SNRNP35: variants seen among roughly 807,000 people sequenced by gnomAD.
The protein encoded by SNRNP35 is U11/U12 small nuclear ribonucleoprotein 35 kDa protein.
Under a neutral mutation model 24.3 loss-of-function variants are expected in SNRNP35, and 16 were observed. That is an observed-to-expected ratio of 0.66 (90% CI 0.45 to 1.00). The LOEUF (loss-of-function observed/expected upper bound fraction) is 1.00, where lower values mean the gene tolerates loss of function less well. Among genes scored for constraint, SNRNP35 ranks in the 50% least tolerant of loss-of-function variants. The pLI is 0.00. For missense variants in SNRNP35, 292 were observed against 327.2 expected (o/e 0.89, Z 0.83); for synonymous variants, 106 against 124.8 (o/e 0.85, Z 1.00).
chr12:123,461,140 G>GAGTC (rs1466260935), intron 1 of SNRNP35, among the ~76,000 whole-genome samples: 1 of 148,782 alleles, frequency 6.7e-6, no homozygotes, highest in Non-Finnish European at 1.5e-5. Flanking sequence ...TTTTGAGACG[G>GAGTC]AGTCTCGCTC....
Position 123,466,527 on chromosome 12 carries a change from A to G in SNRNP35, c.*246A>G. 2.6e-6 allele frequency: 1 copy of G among 381,340 alleles called. No individual in the cohort carries two copies. Among genetic ancestry groups the G allele is most frequent in the Admixed American group, 4.3e-5 (1 of 23,220 alleles). The allele number at this position is 381,340 out of a possible 1,614,324, so 23.6% of individuals were successfully genotyped here. ...CAATTTTGTAGTTACTGGCATCTGTACAGAAGGGCATTTTCTTTTCTTTTC... is the reference window on the plus strand; with the variant it reads ...CAATTTTGTAGTTACTGGCATCTGTGCAGAAGGGCATTTTCTTTTCTTTTC... On this transcript the variant is annotated 3_prime_UTR_variant, in exon 2 of 2. Coordinates refer to ENST00000526639, the MANE Select transcript of SNRNP35 (RefSeq NM_022717.4).
downstream of SNRNP35, among the ~76,000 whole-genome samples, chr12:123,467,701 CATG>C (rs368144096): frequency 4.2e-3 from 635 of 152,306 alleles, 4 homozygotes; most frequent in African/African-American, 0.014. Flanking sequence ...ATGAATCTCT[CATG>C]ATATTATACA....
downstream of SNRNP35, chr12:123,470,634 A>C (rs1881146348): frequency 6.6e-6 from 1 of 152,024 alleles, no homozygotes; most frequent in Non-Finnish European, 1.5e-5. Flanking sequence ...AAATACAAAA[A>C]TTAGTCAGGT....
At position 123,466,362 on chromosome 12, in the gene SNRNP35, A is replaced by G; in HGVS notation, c.*81A>G. On this transcript the variant is annotated 3_prime_UTR_variant, in exon 2 of 2. Coordinates refer to ENST00000526639, the MANE Select transcript of SNRNP35 (RefSeq NM_022717.4). ...TTGTCTTTCAACGCAGCGTGAGTCTAATGGTTGAATAAAACTTACTGATGA... is the reference window on the plus strand; with the variant it reads ...TTGTCTTTCAACGCAGCGTGAGTCTGATGGTTGAATAAAACTTACTGATGA... 1 of 1,372,184 alleles carries G rather than the reference A, an allele frequency of 7.3e-7. No individual in the cohort carries two copies. The highest frequency in any genetic ancestry group is 9.8e-7 in the Non-Finnish European group (1 of 1,022,164). 85.0% of individuals were successfully genotyped at this position (1,372,184 alleles called of 1,614,324 possible).
intron 1 of SNRNP35, among the ~76,000 whole-genome samples, chr12:123,458,592 CT>C (rs555202754): frequency 2.2e-3 from 298 of 133,504 alleles, no homozygotes; most frequent in Middle Eastern, 3.8e-3. Context: ...GGGGCAAAGT[CT>C]TTTTTTTTTT....
chr12:123,459,865 A>C, intron 1 of SNRNP35: 1 of 1,596,480 alleles, frequency 6.3e-7, no homozygotes, highest in Non-Finnish European at 8.5e-7. Context: ...GAGGAAGTGC[A>C]CCTAGAAAGA....
intron 1 of SNRNP35, among the ~76,000 whole-genome samples, chr12:123,460,417 G>A (rs1175214872): frequency 6.6e-6 from 1 of 151,834 alleles, no homozygotes; most frequent in Admixed American, 6.6e-5. Flanking sequence ...ATCTGAAAAG[G>A]CAATAATAAT....
intron 1 of SNRNP35, chr12:123,459,912 T>C (rs1361410433): frequency 5.3e-6 from 8 of 1,516,042 alleles, no homozygotes; most frequent in Non-Finnish European, 7.3e-6. Flanking sequence ...TTAGTATCTA[T>C]AGAAGCATGC....
At position 123,463,930 on chromosome 12, in the gene SNRNP35, A is replaced by ATT. The variant is rs35927970; in HGVS notation, c.-3-1590_-3-1589dup. ...GGCGCCCACCTACCTCGCCTGGCTAATTTTTTTTTTTTTTTTTTTGGAGAC... is the reference window on the plus strand; with the variant it reads ...GGCGCCCACCTACCTCGCCTGGCTAATTTTTTTTTTTTTTTTTTTTTGGAGAC... On this transcript the variant is annotated intron_variant, in intron 1 of 1. Coordinates refer to ENST00000526639, the MANE Select transcript of SNRNP35 (RefSeq NM_022717.4). Among the ~76,000 whole-genome samples the ATT allele has an allele frequency of 1.4e-3, 152 of 110,450 alleles. 1 individual carries two copies. The highest frequency in any genetic ancestry group is 8.3e-3 in the South Asian group (28 of 3,380). 72.5% of individuals were successfully genotyped at this position (110,450 alleles called of 152,430 possible).
At chr12:123,471,102 ACT>A (rs1396898875), downstream of SNRNP35, 5 of 137,370 alleles carry the variant, frequency 3.6e-5, no homozygotes, top group Non-Finnish European at 6.1e-5. Flanking sequence ...ATGAAGTCTC[ACT>A]CTGTCGCCCA....
Position 123,465,979 on chromosome 12 carries a change from A to T in SNRNP35, c.439A>T (p.Lys147Ter), listed in dbSNP as rs759070125. ...PRRLGGGLGGKKESGQLRFGG... is the reference protein window; with the variant it reads ...PRRLGGGLGG ...GCGACTTGGAGGCGGTCTTGGGGGA[A>T]AAAAGGAGTCTGGGCAACTGAGATT... Residue 147 changes from lysine to a stop codon, truncating the protein, a stop_gained, in exon 2 of 2, where the codon AAA (lysine) becomes TAA (stop). Coordinates refer to ENST00000526639, the MANE Select transcript of SNRNP35 (RefSeq NM_022717.4). LOFTEE classifies it high-confidence loss of function. This position sits in a 1 kb window ranked among gnomAD's most constrained non-coding sequence, Gnocchi z 4.2. The T allele has an allele frequency of 6.2e-7, 1 of 1,613,994 alleles. No individual in the cohort carries two copies. Among genetic ancestry groups the T allele is most frequent in the Non-Finnish European group, 8.5e-7 (1 of 1,180,026 alleles).
chr12:123,466,184 A>G lies in SNRNP35; in HGVS notation c.644A>G (p.Glu215Gly). ...CGGGAGAAGAGATGGCAAGAAAGAG[A>G]GCCGACCAGGGTGTGGCCCGACAAT... ...RGREKRWQEREPTRVWPDNDW... is the reference protein window; with the variant it reads ...RGREKRWQERGPTRVWPDNDW... The change falls in exon 2 of 2, where the codon GAG becomes GGG. Residue 215 changes from glutamate (E) to glycine (G), a missense_variant. Physicochemically the swap from Glu to Gly is moderately conservative, Grantham distance 98 (BLOSUM62 -2). Coordinates refer to ENST00000526639, the MANE Select transcript of SNRNP35 (RefSeq NM_022717.4). 6.2e-7 allele frequency: 1 copy of G among 1,602,902 alleles called. No homozygotes were observed. The highest frequency in any genetic ancestry group is 8.5e-7 in the Non-Finnish European group (1 of 1,175,440).
At chr12:123,461,743 A>G (rs541442744) in intron 1 of SNRNP35, among the ~76,000 whole-genome samples, 4 of 144,986 alleles carry the variant, frequency 2.8e-5, no homozygotes, top group African/African-American at 5.1e-5. Flanking sequence ...TTTTTTTGAG[A>G]CAGAGTATTG....
chr12:123,459,863 G>A (rs767980616), intron 1 of SNRNP35: 1 of 1,596,042 alleles, frequency 6.3e-7, no homozygotes, highest in Non-Finnish European at 8.5e-7. Flanking sequence ...GGGAGGAAGT[G>A]CACCTAGAAA....
chr12:123,460,748 C>CA (rs1017938414), intron 1 of SNRNP35, among the ~76,000 whole-genome samples: 9 of 151,424 alleles, frequency 5.9e-5, no homozygotes, highest in African/African-American at 1.9e-4. Context: ...GACCCTGTCT[C>CA]AAAAAAAATT....
intron 1 of SNRNP35, chr12:123,459,866 C>T (rs1276567501): frequency 6.3e-7 from 1 of 1,595,976 alleles, no homozygotes; most frequent in Non-Finnish European, 8.5e-7. Flanking sequence ...AGGAAGTGCA[C>T]CTAGAAAGAT....
At chr12:123,472,982 G>T in exon 2 of SNRNP35, 1 of 279,222 alleles carries the variant, frequency 3.6e-6, no homozygotes, top group Non-Finnish European at 6.9e-6. Context: ...CGTTACCAGT[G>T]GAAATCAAAA....
intron 1 of SNRNP35, chr12:123,459,990 T>C: frequency 2.2e-6 from 2 of 896,076 alleles, no homozygotes; most frequent in Non-Finnish European, 3.6e-6. Flanking sequence ...TTTGAAGAAG[T>C]CTTAAAGTTT....
At position 123,465,919 on chromosome 12, in the gene SNRNP35, G is replaced by A. The variant is rs779460822; in HGVS notation, c.379G>A (p.Glu127Lys). Residue 127 changes from glutamate (E) to lysine (K), a missense_variant, in exon 2 of 2, where the codon GAG (glutamate) becomes AAG (lysine). Coordinates refer to ENST00000526639, the MANE Select transcript of SNRNP35 (RefSeq NM_022717.4). This position sits in a 1 kb window ranked among gnomAD's most constrained non-coding sequence, Gnocchi z 4.2. The stretch of plus-strand genomic sequence containing the variant: ...CCAGCATGAGATATTTGTGGACTAC[G>A]AGCTGGAAAGGACTCTCAAAGGGTG... ...IDQHEIFVDY[E>K]LERTLKGWIP... is the part of the protein sequence containing the mutation. 2.5e-6 allele frequency: 4 copies of A among 1,613,842 alleles called. No homozygotes were observed. Among genetic ancestry groups the A allele is most frequent in the Non-Finnish European group, 2.5e-6 (3 of 1,179,996 alleles).
Sources: allele counts gnomAD v4.1 joint callset (sites outside exome capture counted in the v4.1 genomes callset), GRCh38; gene constraint gnomAD v4.1.1; non-coding constraint Gnocchi (gnomAD v3.1); transcripts MANE v1.5; gene names NCBI Gene and HGNC (gene_info 2026-07-23, HGNC 2026-07-21).